The following FSTL5 variants were observed in gnomAD, a reference collection of about 807,000 sequenced individuals.
The protein encoded by FSTL5 is follistatin-related protein 5.
FSTL5 carries 62 observed loss-of-function variants against 89.1 expected under a neutral mutation model. The observed-to-expected ratio is 0.70, with a 90% CI of 0.57 to 0.86. The LOEUF (loss-of-function observed/expected upper bound fraction) is 0.86. Ranked by LOEUF, FSTL5 falls within the 40% of genes least tolerant of loss-of-function variation. FSTL5 has a pLI of 0.00. For synonymous variants in FSTL5, 383 were observed against 346.2 expected (o/e 1.11, Z -1.18); for missense variants, 1,057 against 1,001.6 (o/e 1.06, Z -0.75).
intron 4 of FSTL5, among the ~76,000 whole-genome samples, chr4:161,916,802 G>A (rs1733853720): frequency 1.3e-5 from 2 of 152,122 alleles, no homozygotes; most frequent in Admixed American, 1.3e-4. Context: ...ATTTCAATAT[G>A]TAACACAAGT....
At chr4:161,796,600 T>C (rs1729639871) in intron 4 of FSTL5, among the ~76,000 whole-genome samples, 2 of 151,790 alleles carry the variant, frequency 1.3e-5, no homozygotes, top group African/African-American at 2.4e-5. Context: ...TGTACTTTTG[T>C]TTGCTGTTGT....
chr4:162,073,850 C>T (rs895899652), intron 2 of FSTL5, among the ~76,000 whole-genome samples: 1 of 151,682 alleles, frequency 6.6e-6, no homozygotes, highest in Non-Finnish European at 1.5e-5. Context: ...ATTCCCACAG[C>T]AATACAGATG....
chr4:161,811,207 A>G (rs1260695846), intron 4 of FSTL5, among the ~76,000 whole-genome samples: 1 of 152,120 alleles, frequency 6.6e-6, no homozygotes, highest in Non-Finnish European at 1.5e-5. Flanking sequence ...AAAACAAAAC[A>G]AAACGAAAAA....
chr4:161,843,928 A>T (rs139812720), intron 4 of FSTL5, among the ~76,000 whole-genome samples: 3,563 of 152,280 alleles, frequency 0.023, 133 homozygotes, highest in African/African-American at 0.079. Flanking sequence ...TTACAACAAA[A>T]GACAAAATTG....
Position 161,776,072 on chromosome 4 carries a change from C to T in FSTL5, c.412G>A (p.Asp138Asn). 1 of 1,443,734 alleles carries T rather than the reference C, an allele frequency of 6.9e-7. No individual in the cohort carries two copies. The highest frequency in any genetic ancestry group is 9.3e-7 in the Non-Finnish European group (1 of 1,074,930). The allele number at this position is 1,443,734 out of a possible 1,614,324, so 89.4% of individuals were successfully genotyped here. ...VHNEDCFFKG[D>N]KCKTTEYSKM... is the part of the protein sequence containing the mutation. ...CTGTATTCAGTAGTCTTGCACTTAT[C>T]TCCTGTAACAAAAGAACTAGTTATT... The change falls in exon 5 of 16, where the codon GAT (aspartate) becomes AAT (asparagine). Residue 138 changes from aspartate (D) to asparagine (N), a missense_variant and splice_region_variant. Asp to Asn is a conservative substitution (Grantham distance 23, BLOSUM62 1). Coordinates refer to ENST00000306100, the MANE Select transcript of FSTL5 (RefSeq NM_020116.5).
chr4:161,961,039 C>A (rs574264227), intron 3 of FSTL5, among the ~76,000 whole-genome samples: 10 of 151,830 alleles, frequency 6.6e-5, no homozygotes, highest in African/African-American at 2.4e-4. Context: ...ATTAAATATG[C>A]TTTAAATTTG....
chr4:161,745,844 A>G (rs2126776516), intron 6 of FSTL5, among the ~76,000 whole-genome samples: 1 of 152,262 alleles, frequency 6.6e-6, no homozygotes, highest in Non-Finnish European at 1.5e-5. Context: ...AAAATGAATT[A>G]TGGTCAATGG....
In FSTL5 at chr4:161,794,662, A is replaced by C. The variant is rs76806108; in HGVS notation, c.410-18588T>G. On this transcript the variant is annotated intron_variant, in intron 4 of 15. Transcript: ENST00000306100. Reference sequence around the variant, plus strand: ...ACATCCTTTTCCTAAATCACATTTTATCTCTCTCTCTGTCTTTACCTTTTA... The same window carrying C: ...ACATCCTTTTCCTAAATCACATTTTCTCTCTCTCTCTGTCTTTACCTTTTA... Among the ~76,000 whole-genome samples the C allele has an allele frequency of 5.1e-3, 770 of 152,106 alleles. 10 individuals carry two copies. Among genetic ancestry groups the C allele is most frequent in the African/African-American group, 0.017 (713 of 41,482 alleles).
Position 161,977,470 on chromosome 4 carries a change from G to A in FSTL5, c.160+56155C>T, listed in dbSNP as rs193103845. 5.9e-4 allele frequency among the ~76,000 whole-genome samples: 89 copies of A among 150,730 alleles called. 2 individuals are homozygous for A. The East Asian group carries it at 0.015, about 25-fold the overall frequency. On this transcript the variant is annotated intron_variant, in intron 3 of 15. Coordinates refer to ENST00000306100, the MANE Select transcript of FSTL5 (RefSeq NM_020116.5). Reference sequence around the variant, plus strand: ...TACTAAAAAATAGAAAAAATTAGCCGGGCCTGGTGGCGGGCACCTGTAGTC... The same window carrying A: ...TACTAAAAAATAGAAAAAATTAGCCAGGCCTGGTGGCGGGCACCTGTAGTC...
rs183710288 is a variant in FSTL5, at chr4:162,115,600, C to T, written c.-16-4188G>A. 3.4e-3 allele frequency among the ~76,000 whole-genome samples: 512 copies of T among 152,056 alleles called. 2 individuals carry two copies. The highest frequency in any genetic ancestry group is 0.012 in the African/African-American group (483 of 41,376). ...ATGATCCTGTGACTTTTCCTTGTAA[C>T]CTCCATCTTCACAGGAAAGCATCAG... On this transcript the variant is annotated intron_variant, in intron 1 of 15. Coordinates refer to ENST00000306100, the MANE Select transcript of FSTL5 (RefSeq NM_020116.5).
chr4:161,735,929 TA>T (rs950226133), intron 6 of FSTL5, among the ~76,000 whole-genome samples: 67 of 151,200 alleles, frequency 4.4e-4, no homozygotes, highest in East Asian at 9.7e-4. Flanking sequence ...AACAACTTTA[TA>T]AAAAAAAGAG....
chr4:161,457,214 C>T (rs1369395063), intron 14 of FSTL5, among the ~76,000 whole-genome samples: 1 of 152,132 alleles, frequency 6.6e-6, no homozygotes, highest in Non-Finnish European at 1.5e-5. Context: ...AAGCTTATAT[C>T]TATATTCATA....
Position 161,932,344 on chromosome 4 carries a change from A to C in FSTL5, c.161-11692T>G, listed in dbSNP as rs1012337221. 4.6e-5 allele frequency among the ~76,000 whole-genome samples: 7 copies of C among 151,730 alleles called. No individual in the cohort carries two copies. The East Asian group carries it at 1.4e-3, about 29-fold the overall frequency. ...TATTTTTAAATCTAAAATTGCCAAG[A>C]TCTTTAGTTTTTTGTTAGATACTGT... On this transcript the variant is annotated intron_variant, in intron 3 of 15. Coordinates refer to ENST00000306100, the MANE Select transcript of FSTL5 (RefSeq NM_020116.5).
chr4:161,652,098 A>G (rs1736361507), intron 7 of FSTL5, among the ~76,000 whole-genome samples: 1 of 152,034 alleles, frequency 6.6e-6, no homozygotes, highest in African/African-American at 2.4e-5. Flanking sequence ...ACTTGATACC[A>G]CTTAGTTCAG....
At chr4:161,468,139 T>C (rs1377165198) in intron 13 of FSTL5, among the ~76,000 whole-genome samples, 2 of 152,146 alleles carry the variant, frequency 1.3e-5, no homozygotes, top group Admixed American at 1.3e-4. Context: ...TTTTTATAAT[T>C]GACAGGTACT....
chr4:161,727,815 A>G (rs1739472369), intron 6 of FSTL5, among the ~76,000 whole-genome samples: 1 of 152,220 alleles, frequency 6.6e-6, no homozygotes, highest in Admixed American at 6.5e-5. Flanking sequence ...GGCTTTCTGG[A>G]AAGCTGACTT....
At chr4:161,996,422 C>G (rs1194016532) in intron 3 of FSTL5, among the ~76,000 whole-genome samples, 6 of 152,196 alleles carry the variant, frequency 3.9e-5, no homozygotes, top group Non-Finnish European at 7.3e-5. Context: ...TGTTCACCAT[C>G]AGTTCTAACT....
At chr4:161,429,542 G>A (rs1211827499) in intron 15 of FSTL5, among the ~76,000 whole-genome samples, 2 of 152,176 alleles carry the variant, frequency 1.3e-5, no homozygotes, top group Non-Finnish European at 2.9e-5. Flanking sequence ...AAGAATGTAA[G>A]GAAGAAAGAA....
intron 7 of FSTL5, among the ~76,000 whole-genome samples, chr4:161,627,788 AT>A (rs1735365352): frequency 6.6e-6 from 1 of 152,174 alleles, no homozygotes; most frequent in Non-Finnish European, 1.5e-5. Flanking sequence ...GTTGACTAAA[AT>A]AAAAGCATTT....
Sources: gnomAD v4.1 joint callset for allele counts (sites outside exome capture counted in the v4.1 genomes callset) on GRCh38, gnomAD v4.1.1 for gene constraint, MANE v1.5 for transcripts, NCBI Gene and HGNC (gene_info 2026-07-23, HGNC 2026-07-21) for gene names.